DOCK3: variants seen among roughly 807,000 people sequenced by gnomAD.
DOCK3 encodes the protein dedicator of cytokinesis protein 3.
DOCK3 carries 60 observed loss-of-function variants against 265.6 expected under a neutral mutation model. That is an observed-to-expected ratio of 0.23 (90% CI 0.18 to 0.28). DOCK3 has a LOEUF of 0.28. DOCK3 is among the 10% of genes least tolerant of loss of function. The pLI is 1.00. For missense variants in DOCK3, 1,981 were observed against 2,594.3 expected (o/e 0.76, Z 5.14); for synonymous variants, 881 against 938.0 (o/e 0.94, Z 1.11).
intron 6 of DOCK3, among the ~76,000 whole-genome samples, chr3:51,065,229 C>A (rs566523415): frequency 2.5e-4 from 38 of 152,076 alleles, no homozygotes; most frequent in Non-Finnish European, 4.4e-4. Context: ...ATATAAATTT[C>A]AGGTGCTTTT....
intron 5 of DOCK3, among the ~76,000 whole-genome samples, chr3:50,977,567 A>G (rs889517707): frequency 1.3e-5 from 2 of 152,052 alleles, no homozygotes; most frequent in African/African-American, 2.4e-5. Context: ...CTCTTTGGCT[A>G]CCCTTAACAT....
intron 27 of DOCK3, among the ~76,000 whole-genome samples, chr3:51,284,443 G>T (rs1183850865): frequency 7.2e-5 from 11 of 152,178 alleles, no homozygotes; most frequent in Admixed American, 7.2e-4. Flanking sequence ...TCTAGGAGCA[G>T]AAAGAACTAG....
At chr3:51,344,865 T>G (rs1472428841) in intron 38 of DOCK3, among the ~76,000 whole-genome samples, 1 of 152,240 alleles carries the variant, frequency 6.6e-6, no homozygotes, top group Non-Finnish European at 1.5e-5. Context: ...TTAAAATTTT[T>G]GGTCCTGGCT....
intron 5 of DOCK3, among the ~76,000 whole-genome samples, chr3:51,019,840 G>T (rs1363143052): frequency 6.6e-6 from 1 of 151,930 alleles, no homozygotes; most frequent in Admixed American, 6.6e-5. Flanking sequence ...GTATTCCATG[G>T]TGTATATATA....
chr3:51,188,632 A>G (rs1291367158), intron 12 of DOCK3, among the ~76,000 whole-genome samples: 2 of 152,024 alleles, frequency 1.3e-5, no homozygotes, highest in Non-Finnish European at 2.9e-5. Context: ...CTTTCCATTC[A>G]CTACATGCAT....
intron 48 of DOCK3, 118 bp from the exon 49 acceptor site, chr3:51,362,409 G>A: frequency 7.4e-7 from 1 of 1,348,654 alleles, no homozygotes; most frequent in Non-Finnish European, 1.0e-6. Context: ...TCAGGGCTCA[G>A]GGGATAGCAT....
intron 5 of DOCK3, among the ~76,000 whole-genome samples, chr3:50,977,273 G>T (rs543642537): frequency 6.6e-6 from 1 of 151,940 alleles, no homozygotes; most frequent in African/African-American, 2.4e-5. Context: ...ATTTTGCAGC[G>T]GCTGGTACCG....
chr3:51,252,926 T>C (rs2079336081), intron 22 of DOCK3, among the ~76,000 whole-genome samples: 2 of 152,236 alleles, frequency 1.3e-5, no homozygotes, highest in African/African-American at 4.8e-5. Flanking sequence ...AGAGAGGGCA[T>C]CCCTGTCTTG....
At chr3:51,369,015 A>G (rs2087471312) in intron 49 of DOCK3, among the ~76,000 whole-genome samples, 1 of 152,262 alleles carries the variant, frequency 6.6e-6, no homozygotes, top group Non-Finnish European at 1.5e-5. Flanking sequence ...CAGAAAGGAC[A>G]TGCACACAAA....
At chr3:50,685,773 C>T (rs1576085974) in intron 1 of DOCK3, 3 of 212,124 alleles carry the variant, frequency 1.4e-5, no homozygotes, top group Middle Eastern at 5.1e-4. Flanking sequence ...TCAAAGGAGA[C>T]GTGGCTCAAG....
At chr3:50,847,229 C>G (rs1321815277) in intron 3 of DOCK3, among the ~76,000 whole-genome samples, 3 of 152,054 alleles carry the variant, frequency 2.0e-5, no homozygotes, top group African/African-American at 7.2e-5. Context: ...TTGTTGTTTA[C>G]CCAACATTCA....
intron 9 of DOCK3, among the ~76,000 whole-genome samples, chr3:51,105,711 C>G (rs1399983675): frequency 6.6e-6 from 1 of 152,126 alleles, no homozygotes; most frequent in East Asian, 1.9e-4. Context: ...AGAACATTTC[C>G]CACTGACATC....
Position 51,225,655 on chromosome 3 carries a change from T to C in DOCK3, c.1259T>C (p.Ile420Thr). Reference sequence around the variant, plus strand: ...GGCATTTCTTTCCCCGCAGGTGATATCCGCAATGACCTGTACCTAACCCTG... The same window carrying C: ...GGCATTTCTTTCCCCGCAGGTGATACCCGCAATGACCTGTACCTAACCCTG... ...GFPDVIMPGD[I>T]RNDLYLTLEK... Residue 420 changes from isoleucine (I) to threonine (T), a missense_variant, in exon 15 of 53, where the codon ATC becomes ACC. By Grantham distance (89) the Ile-to-Thr change is moderately conservative. Transcript: ENST00000266037. 6.2e-7 allele frequency: 1 copy of C among 1,610,444 alleles called. No homozygotes were observed. The highest frequency in any genetic ancestry group is 8.5e-7 in the Non-Finnish European group (1 of 1,178,542).
intron 22 of DOCK3, among the ~76,000 whole-genome samples, chr3:51,254,780 C>T (rs1576556884): frequency 6.6e-6 from 1 of 152,084 alleles, no homozygotes; most frequent in East Asian, 1.9e-4. Context: ...TGAGATGGTT[C>T]TCCTTAATAC....
At chr3:50,971,602 T>G (rs1181881219) in intron 5 of DOCK3, among the ~76,000 whole-genome samples, 1 of 152,180 alleles carries the variant, frequency 6.6e-6, no homozygotes, top group Admixed American at 6.5e-5. Flanking sequence ...GATTTTATAT[T>G]GGGTTTTGCA....
chr3:50,933,931 G>A (rs758881305), intron 4 of DOCK3, 50 bp from the exon 5 acceptor site: 27 of 1,318,578 alleles, frequency 2.0e-5, no homozygotes, highest in South Asian at 1.9e-4. Flanking sequence ...ACAGTTTGCC[G>A]AGATTTTTTT....
intron 5 of DOCK3, among the ~76,000 whole-genome samples, chr3:51,039,879 AG>A (rs375920654): frequency 8.9e-4 from 87 of 97,900 alleles, no homozygotes; most frequent in African/African-American, 3.4e-3. Flanking sequence ...TTGTGCTTTG[AG>A]GTCTTTTTTT....
chr3:51,289,985 A>G (rs2081640821), intron 27 of DOCK3, among the ~76,000 whole-genome samples: 1 of 151,638 alleles, frequency 6.6e-6, no homozygotes, highest in African/African-American at 2.4e-5. Context: ...CCACAATGAG[A>G]TATCATCTCA....
chr3:51,048,266 C>T (rs55772828), intron 5 of DOCK3, among the ~76,000 whole-genome samples: 3,798 of 152,114 alleles, frequency 0.025, 184 homozygotes, highest in African/African-American at 0.087. Context: ...GACAGCCTCA[C>T]AGCTTATATC....
Sources: allele counts gnomAD v4.1 joint callset (sites outside exome capture counted in the v4.1 genomes callset), GRCh38; gene constraint gnomAD v4.1.1; transcripts MANE v1.5; gene names NCBI Gene and HGNC (gene_info 2026-07-23, HGNC 2026-07-21).